Variants in ESRRG observed in about 807,000 individuals in gnomAD.
ESRRG encodes estrogen-related receptor gamma.
A neutral mutation model predicts 44.0 loss-of-function variants in ESRRG; 13 were observed. The ratio of observed to expected loss-of-function variants is 0.30; its 90% CI spans 0.19 to 0.47. ESRRG has a LOEUF of 0.47. Ranked by LOEUF, ESRRG falls within the 20% of genes least tolerant of loss-of-function variation. The pLI is 1.00. For missense variants in ESRRG, 395 were observed against 580.6 expected, an observed-to-expected ratio of 0.68 and a Z score of 3.29; for synonymous variants, 215 against 214.6, an observed-to-expected ratio of 1.00 and a Z score of -0.02.
At chr1:217,029,448 C>T (rs772076965) in intron 1 of ESRRG, among the ~76,000 whole-genome samples, 7 of 152,178 alleles carry the variant, frequency 4.6e-5, no homozygotes, top group Admixed American at 6.5e-5. Context: ...CCAGGTGAAG[C>T]AGGAAAAGAC....
intron 2 of ESRRG, among the ~76,000 whole-genome samples, chr1:216,786,923 A>T (rs1264603039): frequency 6.6e-6 from 1 of 152,170 alleles, no homozygotes; most frequent in Non-Finnish European, 1.5e-5. Flanking sequence ...TAGTACGGGC[A>T]TACCTTGTTT....
chr1:216,960,423 T>G (rs1458555829), intron 1 of ESRRG, among the ~76,000 whole-genome samples: 1 of 152,154 alleles, frequency 6.6e-6, no homozygotes, highest in Non-Finnish European at 1.5e-5. Context: ...CATTCCTTTG[T>G]TTTAATTAGA....
Position 217,043,397 on chromosome 1 carries a change from T to A in ESRRG, c.-106+46110A>T, listed in dbSNP as rs553903167. Among the ~76,000 whole-genome samples, 11 of 152,310 alleles carry A rather than the reference T, an allele frequency of 7.2e-5. No homozygotes were observed. In the East Asian group the frequency reaches 2.1e-3, roughly 29 times the overall value. On this transcript the variant is annotated intron_variant, in intron 1 of 7. Transcript: ENST00000359162. ...AATTGCCAGACTCAACCTGAAAAGTTTGTGTCATTTTCAAAGCCTATCAAT... is the reference window on the plus strand; with the variant it reads ...AATTGCCAGACTCAACCTGAAAAGTATGTGTCATTTTCAAAGCCTATCAAT...
chr1:216,841,382 G>A (rs1266238145), intron 2 of ESRRG, among the ~76,000 whole-genome samples: 2 of 151,980 alleles, frequency 1.3e-5, no homozygotes, highest in Non-Finnish European at 2.9e-5. Context: ...TTAACACCAG[G>A]GGCTGGCAAT....
intron 1 of ESRRG, among the ~76,000 whole-genome samples, chr1:216,717,421 G>A (rs928707351): frequency 6.6e-6 from 1 of 151,784 alleles, no homozygotes; most frequent in Non-Finnish European, 1.5e-5. Context: ...AGAATAAAAG[G>A]CCAGGTAAAT....
intron 1 of ESRRG, among the ~76,000 whole-genome samples, chr1:216,948,253 G>T (rs1392590196): frequency 6.6e-6 from 1 of 151,964 alleles, no homozygotes; most frequent in East Asian, 1.9e-4. Context: ...GTCAAGATTA[G>T]GAAGAAAGAA....
intron 2 of ESRRG, among the ~76,000 whole-genome samples, chr1:216,905,755 T>C (rs2149525366): frequency 6.6e-6 from 1 of 152,294 alleles, no homozygotes; most frequent in Non-Finnish European, 1.5e-5. Flanking sequence ...TCTTCTTTTC[T>C]TTTTTTGAAA....
intron 1 of ESRRG, among the ~76,000 whole-genome samples, chr1:217,053,133 T>A (rs1271547811): frequency 5.0e-5 from 6 of 119,030 alleles, no homozygotes; most frequent in South Asian, 3.0e-4. Flanking sequence ...AATCCCATCT[T>A]AAAAAAAAAA....
intron 5 of ESRRG, among the ~76,000 whole-genome samples, chr1:216,531,606 G>A (rs753009074): frequency 1.1e-4 from 17 of 152,042 alleles, no homozygotes; most frequent in Non-Finnish European, 2.4e-4. Context: ...CACAGCTCTC[G>A]GAATTCCTCA....
chr1:217,133,063 A>G (rs753614199), intron 1 of ESRRG, among the ~76,000 whole-genome samples: 65 of 152,332 alleles, frequency 4.3e-4, no homozygotes, highest in Non-Finnish European at 7.4e-4. Flanking sequence ...GGAAAGACCC[A>G]GGGCTCTAGA....
At chr1:216,715,102 C>T (rs895336382) in intron 1 of ESRRG, 1 of 985,302 alleles carries the variant, frequency 1.0e-6, no homozygotes, top group African/African-American at 1.7e-5. Flanking sequence ...GCTGTCTAGA[C>T]TCCAAGAACA....
chr1:216,944,347 T>A (rs979395761), intron 1 of ESRRG, among the ~76,000 whole-genome samples: 2 of 151,992 alleles, frequency 1.3e-5, no homozygotes, highest in African/African-American at 2.4e-5. Flanking sequence ...TTCCTTCCAC[T>A]TTAACGCTGG....
rs773948476 is a variant in ESRRG, at chr1:216,677,305, C to T, written c.243G>A (p.Ser81=). The T allele has an allele frequency of 2.5e-5, 41 of 1,613,954 alleles. No individual in the cohort carries two copies. The highest frequency in any genetic ancestry group is 3.1e-5 in the Non-Finnish European group (37 of 1,180,018). The change falls in exon 2 of 7, where the codon TCG becomes TCA. Residue 81 remains serine (S), a synonymous_variant. Coordinates refer to ENST00000408911, the MANE Select transcript of ESRRG (RefSeq NM_001438.4). ...TMNGHQNGLD[S]PPLYPSAPIL... ...TAGGAGCAGAAGGGTAGAGAGGTGG[C>T]GAGTCAAGTCCGTTCTGATGGCCAT... is the stretch of plus-strand genomic sequence containing the variant.
chr1:216,971,020 A>G (rs2071539833), intron 1 of ESRRG, among the ~76,000 whole-genome samples: 2 of 152,252 alleles, frequency 1.3e-5, no homozygotes, highest in Non-Finnish European at 2.9e-5. Context: ...GGGTGGGGGC[A>G]GAACCAAGTC....
intron 1 of ESRRG, among the ~76,000 whole-genome samples, chr1:216,994,183 G>T (rs1454387318): frequency 1.3e-5 from 2 of 152,158 alleles, no homozygotes; most frequent in African/African-American, 4.8e-5. Context: ...CTGGTAATGG[G>T]CTATAGAGTC....
At chr1:216,754,901 C>A (rs1308617377) in intron 2 of ESRRG, among the ~76,000 whole-genome samples, 1 of 151,770 alleles carries the variant, frequency 6.6e-6, no homozygotes, top group South Asian at 2.1e-4. Flanking sequence ...ATGCATCCAT[C>A]CATTCATTCA....
At chr1:216,768,392 C>T (rs1159239965) in intron 2 of ESRRG, among the ~76,000 whole-genome samples, 4 of 152,044 alleles carry the variant, frequency 2.6e-5, no homozygotes, top group African/African-American at 9.7e-5. Flanking sequence ...CATCTTTATT[C>T]ATTGACTGCA....
intron 2 of ESRRG, among the ~76,000 whole-genome samples, chr1:216,838,460 T>C (rs1406879021): frequency 1.3e-5 from 2 of 152,114 alleles, no homozygotes; most frequent in African/African-American, 2.4e-5. Context: ...CTGTAGTGAC[T>C]AGGGGGACAC....
chr1:216,747,667 G>A (rs576218418), intron 2 of ESRRG, among the ~76,000 whole-genome samples: 1 of 152,104 alleles, frequency 6.6e-6, no homozygotes, highest in Non-Finnish European at 1.5e-5. Flanking sequence ...TATAATTCTG[G>A]TTCTGCTGTG....
Sources: allele counts gnomAD v4.1 joint callset (sites outside exome capture counted in the v4.1 genomes callset), GRCh38; gene constraint gnomAD v4.1.1; transcripts MANE v1.5; gene names NCBI Gene and HGNC (gene_info 2026-07-23, HGNC 2026-07-21).